Variants in EFCAB13 observed in about 807,000 individuals in gnomAD.
EFCAB13 encodes EF-hand calcium-binding domain-containing protein 13.
Under a neutral mutation model 110.2 loss-of-function variants are expected in EFCAB13, and 91 were observed. That is an observed-to-expected ratio of 0.83 (90% CI 0.70 to 0.98). The LOEUF (loss-of-function observed/expected upper bound fraction) is 0.98. EFCAB13 is among the 50% of genes least tolerant of loss of function. The pLI is 0.00. For synonymous variants in EFCAB13, 323 were observed against 369.9 expected, an observed-to-expected ratio of 0.87 and a Z score of 1.45; for missense variants, 968 against 1,119.4, an observed-to-expected ratio of 0.86 and a Z score of 1.93.
At chr17:47,429,464 T>C (rs77961757) in intron 23 of EFCAB13, among the ~76,000 whole-genome samples, 3,991 of 152,250 alleles carry the variant, frequency 0.026, 180 homozygotes, top group African/African-American at 0.091. Flanking sequence ...GTTACTTAAA[T>C]CCCATCCCTG....
intron 17 of EFCAB13, among the ~76,000 whole-genome samples, chr17:47,396,628 TA>T (rs2065739838): frequency 6.6e-6 from 1 of 152,194 alleles, no homozygotes; most frequent in East Asian, 1.9e-4. Flanking sequence ...TATATTCTTT[TA>T]TGTGGAATGT....
rs140416841 is a variant in EFCAB13 at position 47,388,349 on chromosome 17, A to G, written c.1583-3088A>G. 5.2e-3 allele frequency among the ~76,000 whole-genome samples: 790 copies of G among 152,262 alleles called. 6 individuals carry two copies. The highest frequency in any genetic ancestry group is 9.1e-3 in the Non-Finnish European group (616 of 68,022). On this transcript the variant is annotated intron_variant, in intron 14 of 24. Transcript: ENST00000331493. Reference sequence around the variant, plus strand: ...AGTTTGGGGGAGGGGTGTTGTGGATATAGAAGTCCTTTTTTCTTAACATCT... The same window carrying G: ...AGTTTGGGGGAGGGGTGTTGTGGATGTAGAAGTCCTTTTTTCTTAACATCT...
chr17:47,420,815 T>G (rs2143491365), intron 23 of EFCAB13, among the ~76,000 whole-genome samples: 1 of 149,420 alleles, frequency 6.7e-6, no homozygotes, highest in South Asian at 2.1e-4. Flanking sequence ...GGGAGGGAGG[T>G]GGGGGTCAGC....
intron 9 of EFCAB13, among the ~76,000 whole-genome samples, chr17:47,357,120 G>A (rs1231646153): frequency 1.3e-5 from 2 of 152,148 alleles, no homozygotes; most frequent in East Asian, 3.9e-4. Context: ...CCAGGCAGGC[G>A]GTGAGCAGGG....
At chr17:47,424,488 G>C (rs1459342324) in intron 23 of EFCAB13, among the ~76,000 whole-genome samples, 1 of 152,196 alleles carries the variant, frequency 6.6e-6, no homozygotes, top group East Asian at 1.9e-4. Context: ...TTGGGAGGCA[G>C]AAAAGACCAC....
chr17:47,391,859 C>A (rs2065710143), intron 15 of EFCAB13, among the ~76,000 whole-genome samples: 1 of 151,436 alleles, frequency 6.6e-6, no homozygotes. Context: ...AAAATGCAGA[C>A]AAAAAGAAAG....
chr17:47,422,170 T>C (rs1904743688), intron 23 of EFCAB13, among the ~76,000 whole-genome samples: 1 of 152,206 alleles, frequency 6.6e-6, no homozygotes, highest in African/African-American at 2.4e-5. Context: ...TAATTCTTCA[T>C]ATTACAAAAT....
intron 10 of EFCAB13, among the ~76,000 whole-genome samples, chr17:47,362,019 T>C (rs1162469015): frequency 6.6e-6 from 1 of 152,162 alleles, no homozygotes; most frequent in Non-Finnish European, 1.5e-5. Context: ...CCAGAGGATG[T>C]CCTATCATAA....
intron 12 of EFCAB13, among the ~76,000 whole-genome samples, chr17:47,377,240 C>T (rs947457097): frequency 3.3e-5 from 5 of 152,146 alleles, no homozygotes; most frequent in Admixed American, 1.3e-4. Flanking sequence ...CAGTGCACTG[C>T]GACCTCTGCC....
chr17:47,429,541 A>C (rs1905064907), intron 23 of EFCAB13, among the ~76,000 whole-genome samples: 1 of 151,278 alleles, frequency 6.6e-6, no homozygotes, highest in African/African-American at 2.4e-5. Flanking sequence ...TTTCATCTGA[A>C]AAACAGGGAT....
intron 4 of EFCAB13, among the ~76,000 whole-genome samples, chr17:47,333,415 C>CTGATTGA (rs1366141921): frequency 3.9e-5 from 6 of 152,024 alleles, no homozygotes; most frequent in African/African-American, 1.4e-4. Flanking sequence ...GATTGTTTCC[C>CTGATTGA]TTGCTGTACA....
chr17:47,349,936 G>A (rs1265865698), intron 9 of EFCAB13, among the ~76,000 whole-genome samples: 12 of 151,172 alleles, frequency 7.9e-5, no homozygotes, highest in Non-Finnish European at 1.0e-4. Flanking sequence ...CACCGCGCCT[G>A]GCTAATTTTT....
chr17:47,425,935 TAAGA>T (rs1567807572), intron 23 of EFCAB13, among the ~76,000 whole-genome samples: 1 of 152,200 alleles, frequency 6.6e-6, no homozygotes. Flanking sequence ...AGGAAACTCT[TAAGA>T]GAGAGCGAGC....
chr17:47,419,126 T>G (rs948382770), intron 23 of EFCAB13, among the ~76,000 whole-genome samples: 10 of 152,112 alleles, frequency 6.6e-5, no homozygotes, highest in African/African-American at 2.2e-4. Flanking sequence ...CACAACTGTT[T>G]AAGGGCAATG....
At position 47,426,555 on chromosome 17, in the gene EFCAB13, T is replaced by C. The variant is rs561770859; in HGVS notation, c.2495-3263T>C. The stretch of plus-strand genomic sequence containing the variant: ...TTCAGTTTTAAATGCAAAATAGCCT[T>C]ATTTTCATTTAGTTTGTTAGCACTA... On this transcript the variant is annotated intron_variant, in intron 23 of 24. Transcript: ENST00000331493. Among the ~76,000 whole-genome samples, 396 of 152,338 alleles carry C rather than the reference T, an allele frequency of 2.6e-3. 4 individuals are homozygous for C. Among genetic ancestry groups the C allele is most frequent in the African/African-American group, 9.3e-3 (387 of 41,586 alleles).
At chr17:47,333,106 A>T (rs560121133) in intron 4 of EFCAB13, among the ~76,000 whole-genome samples, 18 of 152,276 alleles carry the variant, frequency 1.2e-4, no homozygotes, top group African/African-American at 4.3e-4. Context: ...AGCTGTTCTA[A>T]CAGAATAGCT....
At chr17:47,361,356 T>C (rs2065511605) in intron 9 of EFCAB13, 22 bp from the exon 10 acceptor site, 1 of 1,610,268 alleles carries the variant, frequency 6.2e-7, no homozygotes, top group Non-Finnish European at 8.5e-7. Flanking sequence ...ATTCTCATGG[T>C]ATAATAATTT....
Position 47,374,780 on chromosome 17 carries a change from G to A in EFCAB13, c.1186G>A (p.Glu396Lys), listed in dbSNP as rs1401545344. The change falls in exon 12 of 25, where the codon GAG becomes AAG. Residue 396 changes from glutamate to lysine, a missense_variant. Physicochemically the swap from Glu to Lys is moderately conservative, Grantham distance 56. Coordinates refer to ENST00000331493, the MANE Select transcript of EFCAB13 (RefSeq NM_152347.5). Reference protein sequence around the residue: ...KNGINFKKHSEKGEIHDSKSK... With the variant: ...KNGINFKKHSKKGEIHDSKSK... ...TGGCATAAACTTTAAAAAACATTCA[G>A]AGAAGGGTGAAATTCATGACTCAAA... 1.2e-6 allele frequency: 2 copies of A among 1,614,018 alleles called. No individual in the cohort carries two copies. The highest frequency in any genetic ancestry group is 2.7e-5 in the African/African-American group (2 of 75,024).
At chr17:47,382,017 C>T (rs916134617) in intron 14 of EFCAB13, among the ~76,000 whole-genome samples, 3 of 152,040 alleles carry the variant, frequency 2.0e-5, no homozygotes, top group African/African-American at 7.2e-5. Context: ...TTGTTTGTGT[C>T]CTCTCTTATT....
Sources: gnomAD v4.1 joint callset for allele counts (sites outside exome capture counted in the v4.1 genomes callset) on GRCh38, gnomAD v4.1.1 for gene constraint, MANE v1.5 for transcripts, NCBI Gene and HGNC (gene_info 2026-07-23, HGNC 2026-07-21) for gene names.